FHIP1A: variants seen among roughly 807,000 people sequenced by gnomAD.
The protein encoded by FHIP1A is FHF complex subunit HOOK-interacting protein 1A.
A neutral mutation model predicts 88.6 loss-of-function variants in FHIP1A; 61 were observed. That is an observed-to-expected ratio of 0.69 (90% CI 0.56 to 0.85). The LOEUF (loss-of-function observed/expected upper bound fraction) is 0.85, where lower values mean the gene tolerates loss of function less well. FHIP1A is among the 40% of genes least tolerant of loss of function. The pLI is 0.00. For synonymous variants in FHIP1A, 478 were observed against 496.0 expected (o/e 0.96, Z 0.48); for missense variants, 1,154 against 1,273.5 (o/e 0.91, Z 1.43).
rs185823367 is a variant in FHIP1A, at chr4:151,626,613, A to C, written c.979-3089A>C. Reference sequence around the variant, plus strand: ...AACATTCTTAAGCTTTAGTATCCCTAAACTTTATTATTGCGTATGATATGG... The same window carrying C: ...AACATTCTTAAGCTTTAGTATCCCTCAACTTTATTATTGCGTATGATATGG... On this transcript the variant is annotated intron_variant, in intron 7 of 13. Transcript: ENST00000435205. 1.8e-3 allele frequency among the ~76,000 whole-genome samples: 280 copies of C among 152,366 alleles called. 3 individuals are homozygous for C. The highest frequency in any genetic ancestry group is 4.8e-3 in the Admixed American group (73 of 15,308).
At chr4:151,439,918 C>T (rs1384621579) in intron 1 of FHIP1A, among the ~76,000 whole-genome samples, 2 of 152,068 alleles carry the variant, frequency 1.3e-5, no homozygotes, top group Non-Finnish European at 2.9e-5. Flanking sequence ...TTAGTTATTA[C>T]GTTTATTGTC....
intron 2 of FHIP1A, among the ~76,000 whole-genome samples, chr4:151,466,324 A>G (rs1729313183): frequency 6.6e-6 from 1 of 152,226 alleles, no homozygotes; most frequent in African/African-American, 2.4e-5. Flanking sequence ...GCTCGAGGAA[A>G]TAAGAGAGGA....
intron 4 of FHIP1A, among the ~76,000 whole-genome samples, chr4:151,567,995 A>G (rs933634806): frequency 3.3e-5 from 5 of 152,136 alleles, no homozygotes; most frequent in Admixed American, 6.5e-5. Context: ...TCCATTTAGT[A>G]TTCTGTGCCA....
At chr4:151,606,596 T>G (rs547948071) in intron 7 of FHIP1A, among the ~76,000 whole-genome samples, 1 of 152,344 alleles carries the variant, frequency 6.6e-6, no homozygotes, top group South Asian at 2.1e-4. Flanking sequence ...GATATCTGCA[T>G]TTCATATTTC....
At chr4:151,641,040 C>G (rs895419542) in intron 9 of FHIP1A, among the ~76,000 whole-genome samples, 1 of 144,650 alleles carries the variant, frequency 6.9e-6, no homozygotes, top group African/African-American at 2.5e-5. Flanking sequence ...ATCACAAGTT[C>G]TGAATGGAAT....
chr4:151,436,356 CT>C (rs1385279094), intron 1 of FHIP1A: 2 of 152,122 alleles, frequency 1.3e-5, no homozygotes, highest in African/African-American at 4.8e-5. Context: ...ATAGTTCTTT[CT>C]TTGAGCAACT....
At chr4:151,537,329 A>G (rs752289910) in intron 3 of FHIP1A, among the ~76,000 whole-genome samples, 9 of 152,134 alleles carry the variant, frequency 5.9e-5, no homozygotes, top group Non-Finnish European at 1.3e-4. Context: ...ATGCAGTAAT[A>G]TATCTTTGTG....
At chr4:151,614,035 C>T (rs1276301596) in intron 7 of FHIP1A, among the ~76,000 whole-genome samples, 5 of 151,712 alleles carry the variant, frequency 3.3e-5, no homozygotes, top group East Asian at 1.9e-4. Flanking sequence ...TGGTGGCGCA[C>T]GCCTGTAGTC....
chr4:151,431,195 T>G (rs1733577881), intron 1 of FHIP1A, among the ~76,000 whole-genome samples: 1 of 152,154 alleles, frequency 6.6e-6, no homozygotes, highest in Admixed American at 6.5e-5. Context: ...GGAGACTCAC[T>G]ATGTTTTCTG....
intron 3 of FHIP1A, among the ~76,000 whole-genome samples, chr4:151,561,269 A>G (rs899421491): frequency 1.3e-5 from 2 of 152,192 alleles, no homozygotes; most frequent in African/African-American, 2.4e-5. Flanking sequence ...GAAATGATGG[A>G]CGTTTTACAG....
At chr4:151,628,205 A>G (rs1736025537) in intron 7 of FHIP1A, among the ~76,000 whole-genome samples, 1 of 152,142 alleles carries the variant, frequency 6.6e-6, no homozygotes, top group African/African-American at 2.4e-5. Flanking sequence ...GATTTGCGCT[A>G]TGATATGTAC....
At chr4:151,475,591 G>A (rs1050926891) in intron 2 of FHIP1A, among the ~76,000 whole-genome samples, 1 of 152,124 alleles carries the variant, frequency 6.6e-6, no homozygotes, top group African/African-American at 2.4e-5. Context: ...TGCATCAGAG[G>A]GGCAGTGAGG....
intron 7 of FHIP1A, among the ~76,000 whole-genome samples, chr4:151,606,593 G>T (rs529833369): frequency 1.3e-5 from 2 of 152,212 alleles, no homozygotes; most frequent in African/African-American, 4.8e-5. Flanking sequence ...TTTGATATCT[G>T]CATTTCATAT....
At chr4:151,485,758 A>AT (rs1223445173) in intron 3 of FHIP1A, among the ~76,000 whole-genome samples, 1 of 151,914 alleles carries the variant, frequency 6.6e-6, no homozygotes, top group East Asian at 1.9e-4. Context: ...TGCCTGGCTA[A>AT]TTTTTTTATT....
In FHIP1A at chr4:151,656,588, T is replaced by A. The variant is rs1737250023; in HGVS notation, c.2731-172T>A. The stretch of plus-strand genomic sequence containing the variant: ...TCTAGACAAACTGTAGAGCTTCATT[T>A]AGTTTGATGTTTTGACGGTGCCCTA... On this transcript the variant is annotated intron_variant, in intron 12 of 13. Transcript: ENST00000435205. The surrounding 1 kb of genome is among the most constrained non-coding windows in gnomAD (Gnocchi z 4.2). Among the ~76,000 whole-genome samples the A allele has an allele frequency of 6.6e-6, 1 of 152,222 alleles. No individual in the cohort carries two copies. Among genetic ancestry groups the A allele is most frequent in the Non-Finnish European group, 1.5e-5 (1 of 68,032 alleles).
At chr4:151,459,242 T>G (rs1729068577) in intron 2 of FHIP1A, among the ~76,000 whole-genome samples, 1 of 151,638 alleles carries the variant, frequency 6.6e-6, no homozygotes, top group East Asian at 1.9e-4. Context: ...CTTTTGTTCC[T>G]GAAAAAAAGT....
intron 1 of FHIP1A, among the ~76,000 whole-genome samples, chr4:151,425,499 G>A (rs929795635): frequency 2.6e-5 from 4 of 151,790 alleles, no homozygotes; most frequent in African/African-American, 9.7e-5. Context: ...ATAAATTAAG[G>A]GACTATTTTT....
chr4:151,647,410 C>G (rs1428625828), intron 10 of FHIP1A, among the ~76,000 whole-genome samples: 2 of 152,202 alleles, frequency 1.3e-5, no homozygotes, highest in Non-Finnish European at 2.9e-5. Context: ...CAGGAACATT[C>G]TGTGTGTCCT....
At chr4:151,505,009 C>G (rs1730783284) in intron 3 of FHIP1A, among the ~76,000 whole-genome samples, 1 of 152,104 alleles carries the variant, frequency 6.6e-6, no homozygotes, top group Admixed American at 6.5e-5. Flanking sequence ...ACCCCCCGAC[C>G]CAGTCTCTGT....
Sources: allele counts gnomAD v4.1 joint callset (sites outside exome capture counted in the v4.1 genomes callset), GRCh38; gene constraint gnomAD v4.1.1; non-coding constraint Gnocchi (gnomAD v3.1); transcripts MANE v1.5; gene names NCBI Gene and HGNC (gene_info 2026-07-23, HGNC 2026-07-21).